Variants in DIP2A observed in about 807,000 individuals in gnomAD.
DIP2A encodes disco-interacting protein 2 homolog A.
In DIP2A, 85 loss-of-function variants were observed where a neutral mutation model predicts 177.4. That is an observed-to-expected ratio of 0.48 (90% CI 0.40 to 0.57). The LOEUF is 0.57. DIP2A is among the 20% of genes least tolerant of loss of function. The pLI is 0.00. For missense variants in DIP2A, 1,791 were observed against 2,100.2 expected (o/e 0.85, Z 2.88); for synonymous variants, 886 against 881.8 (o/e 1.00, Z -0.08).
At chr21:46,465,281 A>ATTTTGGC (rs930112292) in intron 1 of DIP2A, among the ~76,000 whole-genome samples, 1 of 152,098 alleles carries the variant, frequency 6.6e-6, no homozygotes, top group African/African-American at 2.4e-5. Context: ...CAAAAGTCAG[A>ATTTTGGC]TTTTGGCTGG....
chr21:46,503,663 CTTTTTCTTTCTTTCTTTCTTTT>C (rs1300994917), intron 5 of DIP2A, among the ~76,000 whole-genome samples: 11 of 126,066 alleles, frequency 8.7e-5, no homozygotes, highest in African/African-American at 2.7e-4. Flanking sequence ...TTCTTTCTTT[CTTTTTCTTTCTTTCTTTCTTTT>C]CTTTCTTTCT....
At chr21:46,464,074 T>G (rs999211303) in intron 1 of DIP2A, among the ~76,000 whole-genome samples, 3 of 151,894 alleles carry the variant, frequency 2.0e-5, no homozygotes, top group African/African-American at 4.8e-5. Flanking sequence ...TTGTTGTGCT[T>G]CTTGAATATT....
At chr21:46,524,265 A>G (rs1601662016) in intron 8 of DIP2A, among the ~76,000 whole-genome samples, 1 of 152,308 alleles carries the variant, frequency 6.6e-6, no homozygotes, top group East Asian at 1.9e-4. Flanking sequence ...CTAACCCCTT[A>G]TATCTTAGGA....
chr21:46,467,474 C>T (rs1721392820), intron 1 of DIP2A, among the ~76,000 whole-genome samples: 1 of 152,018 alleles, frequency 6.6e-6, no homozygotes, highest in Non-Finnish European at 1.5e-5. Context: ...TTCAAATGAT[C>T]TTCTTGCCTC....
the DIP2A span, among the ~76,000 whole-genome samples, chr21:46,580,874 C>T: frequency 6.6e-6 from 1 of 152,170 alleles, no homozygotes; most frequent in African/African-American, 2.4e-5. Flanking sequence ...CTGCCCTTAA[C>T]ATTTTTTCCT....
rs1209859329 is a variant in DIP2A, at chr21:46,549,858, C to T, written c.2610C>T (p.Ser870=). 1.2e-6 allele frequency: 2 copies of T among 1,612,500 alleles called. No homozygotes were observed. Among genetic ancestry groups the T allele is most frequent in the South Asian group, 1.1e-5 (1 of 91,086 alleles). Residue 870 remains serine, a synonymous_variant, in exon 22 of 38, where the codon AGC becomes AGT. Transcript: ENST00000417564. ...GGCCGGATGCCTCGGAGGAGGACAG[C>T]TTCCAGTGGATGAGCCGTGTGCTGC... ...EQRPDASEED[S]FQWMSRVLQA... is the part of the protein sequence containing the mutation.
chr21:46,539,390 A>C, intron 16 of DIP2A: 1 of 199,734 alleles, frequency 5.0e-6, no homozygotes, highest in Non-Finnish European at 1.0e-5. Flanking sequence ...GAGCACCCCC[A>C]GAGCCTCTCA....
In DIP2A at chr21:46,536,301, A is replaced by G. The variant is rs534288197; in HGVS notation, c.1643-923A>G. ...CTGTGCAAGGTGGGAGCCGGATATT[A>G]GAGAAGACTTGGCCAGGGGCTCTGA... On this transcript the variant is annotated intron_variant, in intron 13 of 37. Coordinates refer to ENST00000417564, the MANE Select transcript of DIP2A (RefSeq NM_015151.4). 3.2e-3 allele frequency among the ~76,000 whole-genome samples: 487 copies of G among 152,320 alleles called. 4 individuals carry two copies. Among genetic ancestry groups the G allele is most frequent in the South Asian group, 6.0e-3 (29 of 4,830 alleles).
At chr21:46,522,839 C>G (rs1601653896) in intron 8 of DIP2A, among the ~76,000 whole-genome samples, 1 of 152,258 alleles carries the variant, frequency 6.6e-6, no homozygotes, top group East Asian at 1.9e-4. Flanking sequence ...TCTGTTTCCC[C>G]CAAAGAGTCC....
At chr21:46,550,115 C>A in intron 22 of DIP2A, 1 of 1,161,320 alleles carries the variant, frequency 8.6e-7, no homozygotes, top group South Asian at 1.9e-5. Context: ...TATCCATCAC[C>A]TCAATATTTA....
chr21:46,511,038 GC>G (rs1247947290), intron 7 of DIP2A, among the ~76,000 whole-genome samples: 2 of 152,138 alleles, frequency 1.3e-5, no homozygotes, highest in African/African-American at 4.8e-5. Flanking sequence ...GTGTGAGTGG[GC>G]CACCAGGTCC....
chr21:46,505,388 C>G (rs1212024091), intron 6 of DIP2A, among the ~76,000 whole-genome samples: 1 of 152,114 alleles, frequency 6.6e-6, no homozygotes, highest in African/African-American at 2.4e-5. Context: ...GCGGGCAGAT[C>G]ACTAGGTCAG....
At chr21:46,545,839 G>C (rs376080218) in intron 19 of DIP2A, 42 bp from the exon 20 acceptor site, 50 of 1,598,208 alleles carry the variant, frequency 3.1e-5, no homozygotes, top group Middle Eastern at 1.7e-4. Context: ...CCAGTTGGTT[G>C]GTTGTCCACA....
downstream of DIP2A, among the ~76,000 whole-genome samples, chr21:46,574,694 A>G (rs1233108125): frequency 6.6e-6 from 1 of 152,172 alleles, no homozygotes; most frequent in African/African-American, 2.4e-5. Context: ...AACAAATGGA[A>G]AAACCTAGAA....
At position 46,509,306 on chromosome 21, in the gene DIP2A, C is replaced by T. The variant is rs1239927445; in HGVS notation, c.834C>T (p.Asn278=). ...CCTCCAAAATCCAGCAGCTTCTGAA[C>T]ACCCTGAAGAGGCCAAAGCGCCCTC... ...RVSSKIQQLL[N]TLKRPKRPPL... The change falls in exon 7 of 38, where the codon AAC becomes AAT. Residue 278 remains asparagine (N), a synonymous_variant. Coordinates refer to ENST00000417564, the MANE Select transcript of DIP2A (RefSeq NM_015151.4). 1 of 1,613,742 alleles carries T rather than the reference C, an allele frequency of 6.2e-7. No individual in the cohort carries two copies. Among genetic ancestry groups the T allele is most frequent in the Admixed American group, 1.7e-5 (1 of 59,950 alleles).
intron 31 of DIP2A, 149 bp from the exon 32 acceptor site, chr21:46,558,074 A>G: frequency 1.2e-6 from 1 of 861,840 alleles, no homozygotes; most frequent in Non-Finnish European, 1.7e-6. Context: ...CACACGTAGG[A>G]TTCTGTGGAA....
At chr21:46,524,863 T>C (rs1340627255) in intron 8 of DIP2A, among the ~76,000 whole-genome samples, 2 of 146,832 alleles carry the variant, frequency 1.4e-5, no homozygotes, top group Non-Finnish European at 3.0e-5. Flanking sequence ...TTATGATTTT[T>C]GCTTTTTGCT....
intron 8 of DIP2A, 146 bp downstream of exon 8, chr21:46,511,760 C>G: frequency 2.3e-6 from 2 of 852,866 alleles, no homozygotes; most frequent in Non-Finnish European, 3.4e-6. Context: ...ATACCAGGTA[C>G]CCATCCCACC....
intron 8 of DIP2A, among the ~76,000 whole-genome samples, chr21:46,517,260 A>G (rs558812076): frequency 1.3e-5 from 2 of 150,722 alleles, no homozygotes; most frequent in Non-Finnish European, 3.0e-5. Flanking sequence ...TCTTTTTTTT[A>G]TAGAGATGGG....
Sources: gnomAD v4.1 joint callset for allele counts (sites outside exome capture counted in the v4.1 genomes callset) on GRCh38, gnomAD v4.1.1 for gene constraint, MANE v1.5 for transcripts, NCBI Gene and HGNC (gene_info 2026-07-23, HGNC 2026-07-21) for gene names.